FMN2: variants seen among roughly 807,000 people sequenced by gnomAD.
FMN2 encodes the protein formin 2.
In FMN2, 51 loss-of-function variants were observed where a neutral mutation model predicts 142.3. The ratio of observed to expected loss-of-function variants is 0.36; its 90% CI spans 0.29 to 0.45. FMN2 has a LOEUF of 0.45. FMN2 is among the 20% of genes least tolerant of loss of function. FMN2 has a pLI of 1.00. For missense variants in FMN2, 1,936 were observed against 2,122.8 expected (o/e 0.91, Z 1.73); for synonymous variants, 882 against 869.8 (o/e 1.01, Z -0.25).
At chr1:240,406,383 G>A (rs1020445612) in intron 15 of FMN2, among the ~76,000 whole-genome samples, 2 of 150,138 alleles carry the variant, frequency 1.3e-5, no homozygotes, top group Non-Finnish European at 3.0e-5. Context: ...AGCCTCGGGA[G>A]TGGGGGAATG....
intron 4 of FMN2, among the ~76,000 whole-genome samples, chr1:240,203,693 G>A (rs1264564709): frequency 6.6e-6 from 1 of 152,150 alleles, no homozygotes; most frequent in Non-Finnish European, 1.5e-5. Flanking sequence ...AGGATAAGCA[G>A]CTAATGCATG....
intron 2 of FMN2, among the ~76,000 whole-genome samples, chr1:240,129,612 C>T (rs1394305271): frequency 1.3e-5 from 2 of 150,814 alleles, no homozygotes; most frequent in Non-Finnish European, 2.9e-5. Context: ...ATGCGATTCT[C>T]CTGCCTCAGC....
chr1:240,339,489 T>C (rs2103026946), intron 13 of FMN2, among the ~76,000 whole-genome samples: 1 of 152,148 alleles, frequency 6.6e-6, no homozygotes, highest in South Asian at 2.1e-4. Flanking sequence ...TCTCCATGGA[T>C]AAGGGAACAC....
intron 3 of FMN2, among the ~76,000 whole-genome samples, chr1:240,181,427 A>T (rs1347125354): frequency 8.5e-5 from 13 of 152,086 alleles, no homozygotes; most frequent in Admixed American, 8.5e-4. Context: ...TCTCACTTTA[A>T]CTTTTTCACG....
intron 8 of FMN2, among the ~76,000 whole-genome samples, chr1:240,301,170 ATTT>A (rs11301299): frequency 3.5e-5 from 5 of 142,172 alleles, no homozygotes; most frequent in African/African-American, 1.0e-4. Flanking sequence ...TTTTATTTCT[ATTT>A]TTTTTTTTTA....
intron 7 of FMN2, among the ~76,000 whole-genome samples, chr1:240,290,277 T>C (rs1394159583): frequency 1.3e-5 from 2 of 152,214 alleles, no homozygotes; most frequent in Non-Finnish European, 2.9e-5. Context: ...GGCCATTTCA[T>C]TTTTCATTTT....
chr1:240,262,557 G>A (rs1668665707), intron 7 of FMN2, among the ~76,000 whole-genome samples: 1 of 151,832 alleles, frequency 6.6e-6, no homozygotes, highest in African/African-American at 2.4e-5. Context: ...TGTATTTCAG[G>A]GGTCAGTGTG....
chr1:240,434,939 C>T (rs1478341361), intron 15 of FMN2, among the ~76,000 whole-genome samples: 1 of 151,720 alleles, frequency 6.6e-6, no homozygotes, highest in Non-Finnish European at 1.5e-5. Context: ...TCAGATAATT[C>T]TTCTGGACAC....
At chr1:240,219,580 CT>C (rs1667029348) in intron 6 of FMN2, among the ~76,000 whole-genome samples, 1 of 151,992 alleles carries the variant, frequency 6.6e-6, no homozygotes, top group Non-Finnish European at 1.5e-5. Flanking sequence ...TAATTTAAAA[CT>C]TTTTATAAAT....
At chr1:240,264,643 GT>G (rs1436141343) in intron 7 of FMN2, among the ~76,000 whole-genome samples, 1 of 152,072 alleles carries the variant, frequency 6.6e-6, no homozygotes, top group Non-Finnish European at 1.5e-5. Context: ...TCAGTTGTCT[GT>G]TCCTGTGTTA....
intron 7 of FMN2, among the ~76,000 whole-genome samples, chr1:240,263,381 A>G (rs1433360030): frequency 1.3e-5 from 2 of 152,166 alleles, no homozygotes; most frequent in Non-Finnish European, 2.9e-5. Context: ...TGCACCCAGT[A>G]CTGTTTAGGT....
chr1:240,271,686 A>C (rs572787488), intron 7 of FMN2, among the ~76,000 whole-genome samples: 2 of 152,234 alleles, frequency 1.3e-5, no homozygotes, highest in South Asian at 4.1e-4. Flanking sequence ...TAACCTTTTC[A>C]TCAATTGTAG....
intron 2 of FMN2, chr1:240,171,128 G>GAA (rs1664686217): frequency 7.7e-7 from 1 of 1,305,136 alleles, no homozygotes; most frequent in South Asian, 1.2e-5. Flanking sequence ...ACTGCCTTTG[G>GAA]AGGGTGAAAG....
intron 13 of FMN2, among the ~76,000 whole-genome samples, chr1:240,346,165 G>T (rs1171631850): frequency 2.6e-5 from 4 of 152,142 alleles, no homozygotes; most frequent in African/African-American, 7.2e-5. Flanking sequence ...GACCCCCAAT[G>T]AATGCCTCAA....
chr1:240,146,830 CATTATTGTACCATT>C (rs1355636437), intron 2 of FMN2, among the ~76,000 whole-genome samples: 1 of 152,002 alleles, frequency 6.6e-6, no homozygotes, highest in East Asian at 1.9e-4. Flanking sequence ...AATCTAGTAT[CATTATTGTACCATT>C]TCACTTGACA....
intron 13 of FMN2, among the ~76,000 whole-genome samples, chr1:240,355,553 A>G (rs989134905): frequency 1.3e-5 from 2 of 152,142 alleles, no homozygotes; most frequent in African/African-American, 4.8e-5. Context: ...TTTAGAGGTT[A>G]TATAACATGC....
intron 6 of FMN2, among the ~76,000 whole-genome samples, chr1:240,225,976 A>AT (rs1558378843): frequency 1.3e-4 from 20 of 152,196 alleles, no homozygotes; most frequent in African/African-American, 4.6e-4. Context: ...AGACTTGAAC[A>AT]TAGATCAATA....
chr1:240,394,257 A>G (rs1339731227), intron 15 of FMN2, among the ~76,000 whole-genome samples: 1 of 152,194 alleles, frequency 6.6e-6, no homozygotes, highest in Non-Finnish European at 1.5e-5. Context: ...AACTTTCTCA[A>G]GTTTCAAGAC....
At chr1:240,142,720 G>T (rs1472167925) in intron 2 of FMN2, 2 of 1,610,940 alleles carry the variant, frequency 1.2e-6, no homozygotes, top group African/African-American at 2.7e-5. Context: ...TCCAGAATGG[G>T]GGTAACAGGA....
Sources: gnomAD v4.1 joint callset for allele counts (sites outside exome capture counted in the v4.1 genomes callset) on GRCh38, gnomAD v4.1.1 for gene constraint, MANE v1.5 for transcripts, NCBI Gene and HGNC (gene_info 2026-07-23, HGNC 2026-07-21) for gene names.